The following CIB1 variants were observed in gnomAD, a reference collection of about 807,000 sequenced individuals.
CIB1 encodes the protein calcium and integrin binding 1, also known as calcium and integrin-binding protein 1.
Under a neutral mutation model 25.0 loss-of-function variants are expected in CIB1, and 19 were observed. The observed-to-expected ratio is 0.76, with a 90% CI of 0.53 to 1.12. CIB1 has a LOEUF of 1.12. Among genes scored for constraint, CIB1 ranks in the 50% most tolerant of loss-of-function variants. CIB1 has a pLI of 0.00. For synonymous variants in CIB1, 104 were observed against 98.5 expected (o/e 1.06, Z -0.33); for missense variants, 236 against 242.6 (o/e 0.97, Z 0.18).
the CIB1 span, chr15:90,243,068 CTTTACA>C: frequency 6.6e-6 from 1 of 152,208 alleles, no homozygotes; most frequent in African/African-American, 2.4e-5. Flanking sequence ...ACACTCCTGA[CTTTACA>C]TTTAGATTTT....
At chr15:90,257,169 T>G in the CIB1 span, 1 of 1,613,762 alleles carries the variant, frequency 6.2e-7, no homozygotes, top group Non-Finnish European at 8.5e-7. Flanking sequence ...AAGTTTGATA[T>G]GCGAGTCTAC....
chr15:90,230,890 C>A, intron 6 of CIB1, 44 bp downstream of exon 6: 1 of 1,515,216 alleles, frequency 6.6e-7, no homozygotes, highest in Non-Finnish European at 9.2e-7. Context: ...GGCAGCAGGT[C>A]GGAACCTGCA....
chr15:90,262,086 G>A, the CIB1 span: 19 of 1,535,784 alleles, frequency 1.2e-5, no homozygotes, highest in Admixed American at 3.9e-5. Flanking sequence ...AAATACCGGC[G>A]GATCTACCCT....
the CIB1 span, among the ~76,000 whole-genome samples, chr15:90,254,919 A>T: frequency 6.6e-6 from 1 of 152,114 alleles, no homozygotes; most frequent in South Asian, 2.1e-4. Context: ...TGTACAACAG[A>T]CTCCGTGTTA....
At chr15:90,249,506 A>G in the CIB1 span, 1 of 150,706 alleles carries the variant, frequency 6.6e-6, no homozygotes, top group Non-Finnish European at 1.5e-5. Context: ...CGCTTCTCCA[A>G]TGGGAACTGC....
the CIB1 span, chr15:90,258,203 T>C: frequency 2.5e-6 from 4 of 1,614,156 alleles, no homozygotes; most frequent in Non-Finnish European, 8.5e-7. Context: ...GAGGTACATG[T>C]GCCTGTTTTG....
chr15:90,255,970 G>A, the CIB1 span: 3 of 1,595,930 alleles, frequency 1.9e-6, no homozygotes, highest in East Asian at 2.2e-5. Flanking sequence ...ACCTAGGAAT[G>A]TCTCAGAGGG....
the CIB1 span, among the ~76,000 whole-genome samples, chr15:90,252,932 G>A: frequency 1.3e-5 from 2 of 152,328 alleles, no homozygotes; most frequent in Non-Finnish European, 2.9e-5. Flanking sequence ...GAACCTGGGA[G>A]GCGGAGGTTG....
chr15:90,248,614 C>A, the CIB1 span, among the ~76,000 whole-genome samples: 3 of 150,298 alleles, frequency 2.0e-5, no homozygotes, highest in Admixed American at 2.0e-4. Context: ...ACTTGGGACG[C>A]TGAAGTGGGA....
At chr15:90,265,550 G>A in the CIB1 span, 1 of 1,388,010 alleles carries the variant, frequency 7.2e-7, no homozygotes, top group Non-Finnish European at 9.5e-7. Context: ...GGCAGAAAGG[G>A]TGGGCCACTG....
the CIB1 span, chr15:90,257,547 G>C: frequency 2.5e-6 from 3 of 1,220,020 alleles, no homozygotes; most frequent in African/African-American, 1.5e-5. Context: ...AGAGATCCTC[G>C]GGAGGGGTGG....
At chr15:90,262,077 A>T in the CIB1 span, 1 of 1,536,018 alleles carries the variant, frequency 6.5e-7, no homozygotes, top group Non-Finnish European at 8.7e-7. Flanking sequence ...CACCTGGGAA[A>T]ATACCGGCGG....
At chr15:90,261,961 A>G in the CIB1 span, 3 of 1,454,714 alleles carry the variant, frequency 2.1e-6, no homozygotes, top group Admixed American at 2.2e-5. Context: ...CCTACTGAAC[A>G]TTCCCACAGC....
Position 90,232,453 on chromosome 15 carries a change from G to C in CIB1, c.87-126C>G, listed in dbSNP as rs1962519470. 4.2e-5 allele frequency: 59 copies of C among 1,419,592 alleles called. No individual in the cohort carries two copies. Among genetic ancestry groups the C allele is most frequent in the Non-Finnish European group, 5.3e-5 (58 of 1,084,490 alleles). 87.9% of individuals were successfully genotyped at this position (1,419,592 alleles called of 1,614,324 possible). On this transcript the variant is annotated intron_variant, in intron 2 of 6. Coordinates refer to ENST00000328649, the MANE Select transcript of CIB1 (RefSeq NM_006384.4). ...CTAAAACCACGTACACAGAACTTCCGAGTCATCAGGCAACGGTAAGCAAAA... is the reference window on the plus strand; with the variant it reads ...CTAAAACCACGTACACAGAACTTCCCAGTCATCAGGCAACGGTAAGCAAAA...
At chr15:90,257,238 G>T in the CIB1 span, 11 of 1,612,982 alleles carry the variant, frequency 6.8e-6, no homozygotes, top group East Asian at 2.5e-4. Flanking sequence ...GGCCTAGCCC[G>T]TTTTGCCACC....
the CIB1 span, chr15:90,258,007 C>A: frequency 6.2e-7 from 1 of 1,601,700 alleles, no homozygotes; most frequent in African/African-American, 1.3e-5. Context: ...GGCCTAGAAA[C>A]TGGCCTTCCT....
chr15:90,257,697 C>T, the CIB1 span: 24 of 1,613,996 alleles, frequency 1.5e-5, no homozygotes, highest in African/African-American at 4.0e-5. Flanking sequence ...GAATTTTGTC[C>T]GGGATGGCGC....
At chr15:90,251,682 G>A in the CIB1 span, 1 of 1,487,946 alleles carries the variant, frequency 6.7e-7, no homozygotes, top group South Asian at 1.1e-5. Flanking sequence ...CCCCGATCAG[G>A]CTTCCAGCCC....
chr15:90,254,390 G>A, the CIB1 span, among the ~76,000 whole-genome samples: 1 of 149,326 alleles, frequency 6.7e-6, no homozygotes, highest in Non-Finnish European at 1.5e-5. Context: ...CTATTTAGGA[G>A]GCTGAGGCAG....
Sources: allele counts gnomAD v4.1 joint callset (sites outside exome capture counted in the v4.1 genomes callset), GRCh38; gene constraint gnomAD v4.1.1; transcripts MANE v1.5; gene names NCBI Gene and HGNC (gene_info 2026-07-23, HGNC 2026-07-21).